Variants in TNR observed in about 807,000 individuals in gnomAD.
The protein encoded by TNR is tenascin R.
TNR carries 45 observed loss-of-function variants against 150.4 expected under a neutral mutation model. The observed-to-expected ratio is 0.30, with a 90% CI of 0.24 to 0.38. The LOEUF (loss-of-function observed/expected upper bound fraction) is 0.38, where lower values mean the gene tolerates loss of function less well. TNR is among the 10% of genes least tolerant of loss of function. TNR has a pLI of 1.00. For synonymous variants in TNR, 687 were observed against 678.4 expected (o/e 1.01, Z -0.20); for missense variants, 1,544 against 1,759.1 (o/e 0.88, Z 2.19).
intron 4 of TNR, 50 bp from the exon 5 acceptor site, chr1:175,396,857 C>A: frequency 6.4e-7 from 1 of 1,573,728 alleles, no homozygotes; most frequent in South Asian, 1.2e-5. Flanking sequence ...ATTGCCTTCC[C>A]CATCCTGGAC....
rs576177911 is a variant in TNR, at chr1:175,586,702, C to T, written c.-164-58333G>A. ...CTCCAACCTATGGAGAAAAAAGTGG[C>T]CATCTTCATTAGAGTATGTTCCAGA... is the stretch of plus-strand genomic sequence containing the variant. On this transcript the variant is annotated intron_variant, in intron 1 of 22. Coordinates refer to ENST00000367674, the MANE Select transcript of TNR (RefSeq NM_003285.3). 5.3e-5 allele frequency among the ~76,000 whole-genome samples: 8 copies of T among 152,276 alleles called. No individual in the cohort carries two copies. The East Asian group carries it at 1.3e-3, about 26-fold the overall frequency.
rs1023627812 is a variant in TNR at position 175,321,164 on chromosome 1, T to C, written c.*2193A>G. 6.6e-6 allele frequency: 1 copy of C among 152,208 alleles called. No individual in the cohort carries two copies. Among genetic ancestry groups the C allele is most frequent in the African/African-American group, 2.4e-5 (1 of 41,424 alleles). 9.4% of individuals were successfully genotyped at this position (152,208 alleles called of 1,614,324 possible). ...TACATGCTTGTTGAAAGGATCTGTTTCTGTTTTTTCCTCCTCCCAGTTTGT... is the reference window on the plus strand; with the variant it reads ...TACATGCTTGTTGAAAGGATCTGTTCCTGTTTTTTCCTCCTCCCAGTTTGT... On this transcript the variant is annotated 3_prime_UTR_variant, in exon 23 of 23. Transcript: ENST00000367674.
chr1:175,431,815 C>T (rs967962176), intron 2 of TNR, among the ~76,000 whole-genome samples: 2 of 151,344 alleles, frequency 1.3e-5, no homozygotes, highest in South Asian at 2.1e-4. Context: ...TCTAGGCAAC[C>T]TAGTAAGAGG....
At chr1:175,432,638 A>T (rs994367548) in intron 2 of TNR, among the ~76,000 whole-genome samples, 1 of 148,160 alleles carries the variant, frequency 6.7e-6, no homozygotes. Context: ...CAGTTTTCCC[A>T]TTATTTCAAG....
intron 2 of TNR, among the ~76,000 whole-genome samples, chr1:175,503,075 G>A (rs747964480): frequency 4.0e-5 from 6 of 151,386 alleles, no homozygotes; most frequent in Non-Finnish European, 8.8e-5. Flanking sequence ...AAAATAGGAT[G>A]CCCCGCCGCA....
intron 20 of TNR, among the ~76,000 whole-genome samples, chr1:175,332,213 C>T (rs993707586): frequency 6.6e-6 from 1 of 152,210 alleles, no homozygotes; most frequent in African/African-American, 2.4e-5. Context: ...AGCAGACCTC[C>T]ATCAGTGACT....
At chr1:175,696,616 A>G (rs953823062) in intron 1 of TNR, among the ~76,000 whole-genome samples, 2 of 152,230 alleles carry the variant, frequency 1.3e-5, no homozygotes, top group African/African-American at 4.8e-5. Context: ...CGATTTTAAA[A>G]AATAAATATC....
chr1:175,695,545 C>T (rs1429420998), intron 1 of TNR, among the ~76,000 whole-genome samples: 1 of 152,178 alleles, frequency 6.6e-6, no homozygotes, highest in Non-Finnish European at 1.5e-5. Flanking sequence ...TTCTTCTAGG[C>T]TAATCATTCA....
intron 1 of TNR, among the ~76,000 whole-genome samples, chr1:175,697,312 C>T (rs1666559263): frequency 6.6e-6 from 1 of 151,188 alleles, no homozygotes; most frequent in South Asian, 2.1e-4. Context: ...AGACAAAAAC[C>T]TGAACAAAGA....
intron 1 of TNR, among the ~76,000 whole-genome samples, chr1:175,628,840 T>C (rs1262914716): frequency 6.6e-6 from 1 of 152,204 alleles, no homozygotes; most frequent in East Asian, 1.9e-4. Flanking sequence ...CACTTGTCTA[T>C]CAGATCCCTC....
In TNR at chr1:175,602,317, G is replaced by C. The variant is rs547795792; in HGVS notation, c.-164-73948C>G. Among the ~76,000 whole-genome samples the C allele has an allele frequency of 6.7e-5, 10 of 149,722 alleles. No homozygotes were observed. In the East Asian group the frequency reaches 1.8e-3, roughly 27 times the overall value. On this transcript the variant is annotated intron_variant, in intron 1 of 22. Transcript: ENST00000367674. Reference sequence around the variant, plus strand: ...TGGTCCTCAAATTGCATCAGAGCTTGTTAAAATACAGATTCCCTGGCTCCA... The same window carrying C: ...TGGTCCTCAAATTGCATCAGAGCTTCTTAAAATACAGATTCCCTGGCTCCA...
In TNR at chr1:175,456,957, G is replaced by T. The variant is rs574824818; in HGVS notation, c.-63-50180C>A. On this transcript the variant is annotated intron_variant, in intron 2 of 22. Transcript: ENST00000367674. ...ACTGTTGGCCTTTCTCCCAATTGCT[G>T]TGGGGGGCATTTCAATCCTGCCTCT... Among the ~76,000 whole-genome samples, 7 of 152,262 alleles carry T rather than the reference G, an allele frequency of 4.6e-5. No homozygotes were observed. In the East Asian group the frequency reaches 1.2e-3, roughly 25 times the overall value.
chr1:175,715,081 CAG>C (rs1306242267), intron 1 of TNR, among the ~76,000 whole-genome samples: 1 of 152,200 alleles, frequency 6.6e-6, no homozygotes, highest in East Asian at 1.9e-4. Context: ...CTGTGGAAAA[CAG>C]ACACATAAAA....
intron 1 of TNR, among the ~76,000 whole-genome samples, chr1:175,684,056 G>T (rs924195050): frequency 2.6e-5 from 4 of 152,304 alleles, no homozygotes; most frequent in Middle Eastern, 3.4e-3. Flanking sequence ...GGACTCTGAT[G>T]CCTGGCTGCA....
At chr1:175,565,773 G>A (rs2102214518) in intron 1 of TNR, among the ~76,000 whole-genome samples, 1 of 152,290 alleles carries the variant, frequency 6.6e-6, no homozygotes, top group African/African-American at 2.4e-5. Context: ...AATGATCTAT[G>A]TGTCCAATAA....
chr1:175,574,847 G>A (rs760754809), intron 1 of TNR, among the ~76,000 whole-genome samples: 14 of 152,186 alleles, frequency 9.2e-5, no homozygotes, highest in East Asian at 1.9e-4. Flanking sequence ...CATGAGCTCC[G>A]TTCTGCATGA....
At chr1:175,455,247 C>T (rs1038172900) in intron 2 of TNR, among the ~76,000 whole-genome samples, 1 of 152,246 alleles carries the variant, frequency 6.6e-6, no homozygotes, top group African/African-American at 2.4e-5. Flanking sequence ...CTGCATTGTT[C>T]AAACTCCTCA....
At chr1:175,643,044 A>C (rs1467220000) in intron 1 of TNR, among the ~76,000 whole-genome samples, 1 of 152,194 alleles carries the variant, frequency 6.6e-6, no homozygotes, top group South Asian at 2.1e-4. Flanking sequence ...GAATCACTAG[A>C]GAAACGTTAA....
At chr1:175,439,087 A>G (rs1472342302) in intron 2 of TNR, among the ~76,000 whole-genome samples, 1 of 152,230 alleles carries the variant, frequency 6.6e-6, no homozygotes, top group Non-Finnish European at 1.5e-5. Flanking sequence ...AGCCAAAAGA[A>G]CAAAGCTGGA....
Sources: allele counts gnomAD v4.1 joint callset (sites outside exome capture counted in the v4.1 genomes callset), GRCh38; gene constraint gnomAD v4.1.1; transcripts MANE v1.5; gene names NCBI Gene and HGNC (gene_info 2026-07-23, HGNC 2026-07-21).